MACROH2A2: variants seen among roughly 807,000 people sequenced by gnomAD.
The protein encoded by MACROH2A2 is core histone macro-H2A.2.
A neutral mutation model predicts 37.6 loss-of-function variants in MACROH2A2; 6 were observed. That is an observed-to-expected ratio of 0.16 (90% CI 0.09 to 0.32). The LOEUF is 0.32. Ranked by LOEUF, MACROH2A2 falls within the 10% of genes least tolerant of loss-of-function variation. The pLI is 1.00. For synonymous variants in MACROH2A2, 192 were observed against 202.7 expected (o/e 0.95, Z 0.45); for missense variants, 290 against 485.9 (o/e 0.60, Z 3.79).
intron 2 of MACROH2A2, among the ~76,000 whole-genome samples, chr10:70,079,871 A>G (rs1417315591): frequency 6.6e-6 from 1 of 152,156 alleles, no homozygotes; most frequent in Non-Finnish European, 1.5e-5. Context: ...GGCATCAAGG[A>G]TGATATGAAT....
chr10:70,106,301 C>A (rs1456582971), intron 7 of MACROH2A2, among the ~76,000 whole-genome samples: 1 of 152,166 alleles, frequency 6.6e-6, no homozygotes, highest in African/African-American at 2.4e-5. Flanking sequence ...TACCAAATAC[C>A]AGGGTCACAG....
chr10:70,095,367 CAAA>C (rs1188963876), intron 5 of MACROH2A2, among the ~76,000 whole-genome samples: 6 of 67,902 alleles, frequency 8.8e-5, no homozygotes, highest in African/African-American at 5.8e-5. Flanking sequence ...GACTCCGTCT[CAAA>C]AAAAAAAAAA....
At chr10:70,065,137 C>T (rs1322752371) in intron 1 of MACROH2A2, among the ~76,000 whole-genome samples, 3 of 151,838 alleles carry the variant, frequency 2.0e-5, no homozygotes, top group African/African-American at 4.8e-5. Flanking sequence ...ACCTCTACCT[C>T]CCAGGTTCAA....
At chr10:70,061,891 G>A (rs762413386) in intron 1 of MACROH2A2, among the ~76,000 whole-genome samples, 7 of 152,078 alleles carry the variant, frequency 4.6e-5, no homozygotes, top group Non-Finnish European at 8.8e-5. Context: ...CATATATGAC[G>A]ATAAAATTAT....
At chr10:70,102,378 G>T (rs1238308092) in intron 7 of MACROH2A2, among the ~76,000 whole-genome samples, 2 of 152,204 alleles carry the variant, frequency 1.3e-5, no homozygotes, top group Admixed American at 6.5e-5. Flanking sequence ...GGACATGAGG[G>T]CACTTGGAAG....
chr10:70,087,521 C>T (rs1589836660), intron 2 of MACROH2A2, among the ~76,000 whole-genome samples: 2 of 152,314 alleles, frequency 1.3e-5, no homozygotes, highest in Admixed American at 1.3e-4. Flanking sequence ...GCATCAGCCA[C>T]CATGCCTGGC....
At chr10:70,057,954 C>T (rs1239551285) in intron 1 of MACROH2A2, among the ~76,000 whole-genome samples, 1 of 152,154 alleles carries the variant, frequency 6.6e-6, no homozygotes, top group Non-Finnish European at 1.5e-5. Flanking sequence ...ACAAGGGACT[C>T]CAGGCCAGGC....
chr10:70,058,169 G>C (rs376406785), intron 1 of MACROH2A2, among the ~76,000 whole-genome samples: 88 of 152,330 alleles, frequency 5.8e-4, no homozygotes, highest in African/African-American at 2.1e-3. Context: ...ACTTTAAGCT[G>C]TCTTGTCACA....
chr10:70,067,834 A>G (rs1243067535), intron 1 of MACROH2A2, among the ~76,000 whole-genome samples: 1 of 152,192 alleles, frequency 6.6e-6, no homozygotes, highest in Non-Finnish European at 1.5e-5. Flanking sequence ...TCAAGTTTCC[A>G]AGGCGATCAG....
intron 1 of MACROH2A2, among the ~76,000 whole-genome samples, chr10:70,055,173 AG>A (rs2136612337): frequency 6.6e-6 from 1 of 152,356 alleles, no homozygotes; most frequent in Admixed American, 6.5e-5. Flanking sequence ...CCAGCAGAAC[AG>A]GAGGTGAGTC....
intron 7 of MACROH2A2, 56 bp downstream of exon 7, chr10:70,100,353 T>C (rs1268757596): frequency 3.2e-6 from 3 of 945,928 alleles, no homozygotes; most frequent in Non-Finnish European, 5.1e-6. Context: ...CTCTCTGGAG[T>C]CTCCAGCCTC....
At chr10:70,100,395 A>C (rs1589840034) in intron 7 of MACROH2A2, 98 bp downstream of exon 7, 2 of 658,236 alleles carry the variant, frequency 3.0e-6, no homozygotes, top group Non-Finnish European at 5.4e-6. Context: ...CTTATGAGTC[A>C]AAGTATGCCA....
chr10:70,105,186 G>C (rs757294109), intron 7 of MACROH2A2, among the ~76,000 whole-genome samples: 27 of 152,212 alleles, frequency 1.8e-4, no homozygotes, highest in Non-Finnish European at 3.7e-4. Context: ...GCAGCAGCAA[G>C]GAATACAAAA....
chr10:70,068,813 C>T (rs1342630179), intron 1 of MACROH2A2, among the ~76,000 whole-genome samples: 1 of 152,198 alleles, frequency 6.6e-6, no homozygotes, highest in East Asian at 1.9e-4. Flanking sequence ...CCCTGGTGCA[C>T]AGTTTGGGAA....
At chr10:70,091,081 T>C (rs2072242152) in intron 3 of MACROH2A2, among the ~76,000 whole-genome samples, 1 of 152,246 alleles carries the variant, frequency 6.6e-6, no homozygotes, top group South Asian at 2.1e-4. Flanking sequence ...GGTTCATCAT[T>C]AACTGGGTCT....
chr10:70,073,082 C>T (rs924404778), intron 1 of MACROH2A2, among the ~76,000 whole-genome samples: 5 of 152,174 alleles, frequency 3.3e-5, no homozygotes, highest in Admixed American at 6.5e-5. Flanking sequence ...TATGTAGAAG[C>T]GGCGCTATGC....
chr10:70,064,196 C>G (rs2072065923), intron 1 of MACROH2A2, among the ~76,000 whole-genome samples: 1 of 152,268 alleles, frequency 6.6e-6, no homozygotes, highest in East Asian at 1.9e-4. Flanking sequence ...TGGTGAAACC[C>G]TGTCTCTACT....
At chr10:70,067,306 A>G (rs1451005381) in intron 1 of MACROH2A2, among the ~76,000 whole-genome samples, 2 of 152,262 alleles carry the variant, frequency 1.3e-5, no homozygotes. Flanking sequence ...TAATAACTTC[A>G]GGGTTAGAGA....
intron 1 of MACROH2A2, among the ~76,000 whole-genome samples, chr10:70,057,907 TG>T (rs1422282220): frequency 6.6e-6 from 1 of 152,036 alleles, no homozygotes; most frequent in Admixed American, 6.6e-5. Flanking sequence ...AACGAAATGG[TG>T]GGGGGATGGT....
Sources: allele counts gnomAD v4.1 joint callset (sites outside exome capture counted in the v4.1 genomes callset), GRCh38; gene constraint gnomAD v4.1.1; transcripts MANE v1.5; gene names NCBI Gene and HGNC (gene_info 2026-07-23, HGNC 2026-07-21).